Variants in OC90 observed in about 807,000 individuals in gnomAD.
OC90 encodes otoconin 90.
A neutral mutation model predicts 47.3 loss-of-function variants in OC90; 46 were observed. The observed-to-expected ratio is 0.97, with a 90% CI of 0.77 to 1.24. The LOEUF (loss-of-function observed/expected upper bound fraction) is 1.24. Among genes scored for constraint, OC90 ranks in the 50% most tolerant of loss-of-function variants. The pLI, the probability that OC90 is intolerant of heterozygous loss-of-function variation, is 0.00. For synonymous variants in OC90, 271 were observed against 219.5 expected, an observed-to-expected ratio of 1.23 and a Z score of -2.07; for missense variants, 688 against 583.9, an observed-to-expected ratio of 1.18 and a Z score of -1.84.
intron 8 of OC90, 120 bp downstream of exon 8, chr8:132,038,670 C>G: frequency 1.3e-6 from 1 of 782,250 alleles, no homozygotes; most frequent in Non-Finnish European, 2.2e-6. Flanking sequence ...AGGACCACTT[C>G]CAGTGTCACA....
chr8:132,037,518 A>G (rs542964782), intron 8 of OC90, 30 bp from the exon 9 acceptor site: 12 of 1,555,542 alleles, frequency 7.7e-6, no homozygotes, highest in Non-Finnish European at 1.0e-5. Context: ...AATAGCAGTG[A>G]CTCATGCAAC....
chr8:132,055,882 A>G (rs151305888), intron 1 of OC90, among the ~76,000 whole-genome samples: 121 of 152,276 alleles, frequency 7.9e-4, no homozygotes, highest in Non-Finnish European at 1.5e-3. Flanking sequence ...TAGCCAATCC[A>G]TTATATGTTT....
At chr8:132,037,652 C>A (rs1822990468) in intron 8 of OC90, among the ~76,000 whole-genome samples, 164 bp from the exon 9 acceptor site, 1 of 152,196 alleles carries the variant, frequency 6.6e-6, no homozygotes, top group Non-Finnish European at 1.5e-5. Context: ...GAGTCACTTG[C>A]CCCTGTTACT....
intron 12 of OC90, among the ~76,000 whole-genome samples, chr8:132,030,430 A>G (rs1284669448): frequency 6.6e-6 from 1 of 152,158 alleles, no homozygotes; most frequent in Non-Finnish European, 1.5e-5. Context: ...AACTGGTCAA[A>G]TTTTATATTT....
At chr8:132,048,726 T>G (rs1237411877) in intron 2 of OC90, among the ~76,000 whole-genome samples, 2 of 151,572 alleles carry the variant, frequency 1.3e-5, no homozygotes, top group Admixed American at 1.3e-4. Context: ...CACTCCCCCC[T>G]GTTTTACAGG....
In OC90 at chr8:132,043,242, C is replaced by T. The variant is rs576479185; in HGVS notation, c.169+1191G>A. Among the ~76,000 whole-genome samples, 4 of 152,286 alleles carry T rather than the reference C, an allele frequency of 2.6e-5. No individual in the cohort carries two copies. In the South Asian group the frequency reaches 6.2e-4, roughly 24 times the overall value. The stretch of plus-strand genomic sequence containing the variant: ...TCACTGGCACAGTAATTCAGCCTGG[C>T]GGAGTGTGTAATGCATTGGAAAGCA... On this transcript the variant is annotated intron_variant, in intron 4 of 13. Coordinates refer to ENST00000254627, the MANE Select transcript of OC90 (RefSeq NM_001080399.3).
chr8:132,045,691 A>G, intron 3 of OC90, 127 bp downstream of exon 3: 1 of 608,824 alleles, frequency 1.6e-6, no homozygotes, highest in South Asian at 2.2e-5. Flanking sequence ...TCCCACTTCA[A>G]TCCCTTTACT....
intron 9 of OC90, among the ~76,000 whole-genome samples, 184 bp from the exon 10 acceptor site, chr8:132,035,018 G>A (rs186909449): frequency 1.1e-3 from 174 of 152,332 alleles, no homozygotes; most frequent in South Asian, 3.9e-3. Flanking sequence ...CTGAGCCAAA[G>A]GGAACCCCCC....
At chr8:132,037,954 A>C (rs573905341) in intron 8 of OC90, among the ~76,000 whole-genome samples, 1 of 152,320 alleles carries the variant, frequency 6.6e-6, no homozygotes, top group East Asian at 1.9e-4. Flanking sequence ...ATGCCCATGC[A>C]CACATCCATA....
chr8:132,042,055 A>C (rs575965744), intron 4 of OC90, among the ~76,000 whole-genome samples: 1 of 152,278 alleles, frequency 6.6e-6, no homozygotes, highest in South Asian at 2.1e-4. Flanking sequence ...AAAAACCTTA[A>C]GGGAAAGTCT....
chr8:132,040,924 G>A (rs1448786025), intron 6 of OC90, 120 bp downstream of exon 6: 16 of 686,336 alleles, frequency 2.3e-5, no homozygotes, highest in Non-Finnish European at 3.4e-5. Context: ...TGCTGCCAAC[G>A]ATGCTGCCAG....
At chr8:132,038,752 CT>C (rs35272640) in intron 8 of OC90, 37 bp downstream of exon 8, 2 of 1,577,762 alleles carry the variant, frequency 1.3e-6, no homozygotes, top group Non-Finnish European at 1.7e-6. Context: ...CATCTGGGCC[CT>C]TGTGGTTCAA....
chr8:132,048,074 C>T (rs527657895), intron 2 of OC90, among the ~76,000 whole-genome samples: 3 of 152,270 alleles, frequency 2.0e-5, no homozygotes, highest in Admixed American at 6.5e-5. Context: ...GAAGATAAAA[C>T]GAGAAGGCCC....
At chr8:132,054,240 G>A (rs947564926) in intron 2 of OC90, among the ~76,000 whole-genome samples, 2 of 152,144 alleles carry the variant, frequency 1.3e-5, no homozygotes, top group African/African-American at 4.8e-5. Flanking sequence ...GGACTCCTCC[G>A]GCTCCTCTTG....
rs374936326 is a variant in OC90, at chr8:132,033,081, C to T, written c.817G>A (p.Val273Met). ...TCAGGATCATTTTCAACAGATGACA[C>T]TGCCAGCCCCAGAGATTTAATGCCA... is the stretch of plus-strand genomic sequence containing the variant. ...PAGIKSLGLAVSSVENDPEET... is the reference protein window; with the variant it reads ...PAGIKSLGLAMSSVENDPEET... Residue 273 changes from valine (V) to methionine (M), a missense_variant, in exon 11 of 14, where the codon GTG becomes ATG. Val to Met is a conservative substitution (Grantham distance 21). Transcript: ENST00000254627. The T allele has an allele frequency of 3.7e-6, 6 of 1,610,318 alleles. No homozygotes were observed. The highest frequency in any genetic ancestry group is 1.3e-5 in the African/African-American group (1 of 74,888).
At chr8:132,036,043 GT>G in intron 9 of OC90, among the ~76,000 whole-genome samples, 1 of 152,280 alleles carries the variant, frequency 6.6e-6, no homozygotes, top group Non-Finnish European at 1.5e-5. Flanking sequence ...AGAGTAAATG[GT>G]TAGGTTAACT....
intron 5 of OC90, 33 bp downstream of exon 5, chr8:132,041,488 CTTTT>C: frequency 6.4e-7 from 1 of 1,574,322 alleles, no homozygotes; most frequent in South Asian, 1.2e-5. Flanking sequence ...CATGAGCTCA[CTTTT>C]TTTGGTCTTG....
At chr8:132,042,634 G>T (rs1449497113) in intron 4 of OC90, among the ~76,000 whole-genome samples, 1 of 152,124 alleles carries the variant, frequency 6.6e-6, no homozygotes, top group African/African-American at 2.4e-5. Context: ...GGTGGTATTT[G>T]TATTTCTGTT....
intron 1 of OC90, 126 bp downstream of exon 1, chr8:132,059,215 C>T (rs1435640055): frequency 1.3e-5 from 2 of 151,134 alleles, no homozygotes; most frequent in Non-Finnish European, 3.0e-5. Flanking sequence ...CCCTCTCCCC[C>T]TCCTTCTCTT....
Sources: gnomAD v4.1 joint callset for allele counts (sites outside exome capture counted in the v4.1 genomes callset) on GRCh38, gnomAD v4.1.1 for gene constraint, MANE v1.5 for transcripts, NCBI Gene and HGNC (gene_info 2026-07-23, HGNC 2026-07-21) for gene names.